The following HPRT1 variants were observed in gnomAD, a reference collection of about 807,000 sequenced individuals.
HPRT1 encodes the protein hypoxanthine phosphoribosyltransferase 1.
A neutral mutation model predicts 19.0 loss-of-function variants in HPRT1; 4 were observed. The observed-to-expected ratio is 0.21, with a 90% CI of 0.10 to 0.48. The LOEUF is 0.48. Ranked by LOEUF, HPRT1 falls within the 20% of genes least tolerant of loss-of-function variation. The pLI is 0.98. For synonymous variants in HPRT1, 53 were observed against 54.9 expected, an observed-to-expected ratio of 0.97 and a Z score of 0.15; for missense variants, 65 against 164.0, an observed-to-expected ratio of 0.40 and a Z score of 3.30.
chrX:134,495,428 G>A lies in HPRT1; in HGVS notation c.485+1838G>A, dbSNP rs17880246. On this transcript the variant is annotated intron_variant, in intron 6 of 8. Transcript: ENST00000298556. Reference sequence around the variant, plus strand: ...ATGATTATTAACATCTTTTTCTCAGGGAAACTATATGAGTCAAGGAGATAA... The same window carrying A: ...ATGATTATTAACATCTTTTTCTCAGAGAAACTATATGAGTCAAGGAGATAA... Among the ~76,000 whole-genome samples the A allele has an allele frequency of 1.2e-4, 13 of 111,160 alleles. No homozygotes were observed. The East Asian group carries it at 3.6e-3, about 31-fold the overall frequency.
chrX:134,480,807 G>T (rs1297339138), intron 3 of HPRT1, among the ~76,000 whole-genome samples: 3 of 91,947 alleles, frequency 3.3e-5, no homozygotes, highest in Admixed American at 1.2e-4. Flanking sequence ...ATGTGTATTT[G>T]TGTGTGTGTG....
At chrX:134,465,192 C>T (rs927453942) in intron 1 of HPRT1, among the ~76,000 whole-genome samples, 7 of 110,715 alleles carry the variant, frequency 6.3e-5, no homozygotes, top group Admixed American at 1.9e-4. Context: ...TGTGAGCCAC[C>T]GCATCTGGCC....
intron 3 of HPRT1, among the ~76,000 whole-genome samples, chrX:134,480,734 C>G (rs2077637016): frequency 1.0e-5 from 1 of 98,220 alleles, no homozygotes; most frequent in Non-Finnish European, 2.1e-5. Flanking sequence ...CAGGTGTCAG[C>G]CGTTGCACCT....
At chrX:134,488,190 G>A (rs936330257) in intron 4 of HPRT1, among the ~76,000 whole-genome samples, 2 of 110,814 alleles carry the variant, frequency 1.8e-5, no homozygotes, top group Non-Finnish European at 3.8e-5. Context: ...CCAGGCTGGA[G>A]TGCAGTAGTA....
At chrX:134,480,829 G>C (rs1468813215) in intron 3 of HPRT1, among the ~76,000 whole-genome samples, 3 of 100,574 alleles carry the variant, frequency 3.0e-5, no homozygotes, top group African/African-American at 1.1e-4. Flanking sequence ...GTGTGTGTGT[G>C]TCTCAAAAGG....
At chrX:134,467,598 A>G (rs753307953) in intron 1 of HPRT1, among the ~76,000 whole-genome samples, 2 of 111,614 alleles carry the variant, frequency 1.8e-5, no homozygotes, top group Non-Finnish European at 3.8e-5. Context: ...GCCACCAAGT[A>G]GATTTCTGTC....
chrX:134,479,534 T>G (rs1663664850), intron 3 of HPRT1, among the ~76,000 whole-genome samples: 1 of 112,228 alleles, frequency 8.9e-6, no homozygotes, highest in Non-Finnish European at 1.9e-5. Flanking sequence ...ACTCCCAAAA[T>G]GCTGGGATTA....
intron 3 of HPRT1, among the ~76,000 whole-genome samples, chrX:134,484,107 A>G (rs1319359017): frequency 4.5e-5 from 5 of 111,812 alleles, no homozygotes; most frequent in South Asian, 7.5e-4. Flanking sequence ...TTGTCCTATC[A>G]CCGTAGCCTT....
chrX:134,476,335 C>G (rs911804829), intron 3 of HPRT1, among the ~76,000 whole-genome samples: 1 of 112,250 alleles, frequency 8.9e-6, no homozygotes, highest in Non-Finnish European at 1.9e-5. Flanking sequence ...TTCACTATCC[C>G]ATTAAAACCC....
chrX:134,487,882 A>G lies in HPRT1; in HGVS notation c.384+1352A>G, dbSNP rs190220363. 3.6e-5 allele frequency among the ~76,000 whole-genome samples: 4 copies of G among 111,507 alleles called. No individual in the cohort carries two copies. The East Asian group carries it at 1.1e-3, about 32-fold the overall frequency. ...TGTTGAAGCCATTACTTGTCTGGTC[A>G]GTTTTTAGTGCTGGAATGGACCTAG... On this transcript the variant is annotated intron_variant, in intron 4 of 8. Transcript: ENST00000298556.
chrX:134,480,543 C>T (rs1196445134), intron 3 of HPRT1, among the ~76,000 whole-genome samples: 27 of 105,091 alleles, frequency 2.6e-4, no homozygotes, highest in African/African-American at 8.4e-4. Flanking sequence ...CTCCTGGGCT[C>T]AAGGGATCCT....
intron 1 of HPRT1, among the ~76,000 whole-genome samples, chrX:134,469,122 T>C (rs2077604639): frequency 9.0e-6 from 1 of 110,856 alleles, no homozygotes; most frequent in African/African-American, 3.3e-5. Context: ...CACGTACCCA[T>C]TGCCAAGTTC....
intron 3 of HPRT1, among the ~76,000 whole-genome samples, chrX:134,485,994 T>C (rs1216046127): frequency 8.9e-6 from 1 of 111,837 alleles, no homozygotes; most frequent in African/African-American, 3.3e-5. Context: ...GGCTAGACTT[T>C]TGAGGGACAT....
intron 1 of HPRT1, 120 bp from the exon 2 acceptor site, chrX:134,473,239 C>T (rs1258410491): frequency 3.9e-6 from 2 of 510,715 alleles, no homozygotes; most frequent in African/African-American, 4.6e-5. Flanking sequence ...TTAACAGTTA[C>T]TAATATCATC....
intron 1 of HPRT1, among the ~76,000 whole-genome samples, chrX:134,466,236 A>G (rs2077596537): frequency 9.1e-6 from 1 of 109,581 alleles, no homozygotes; most frequent in African/African-American, 3.3e-5. Flanking sequence ...TGGCCAATGT[A>G]GTGAAACACC....
chrX:134,480,457 T>G (rs2077636337), intron 3 of HPRT1, among the ~76,000 whole-genome samples: 1 of 108,179 alleles, frequency 9.2e-6, no homozygotes, highest in South Asian at 4.1e-4. Context: ...TAGAAATGTT[T>G]TTTTTTTTGA....
chrX:134,461,767 G>C (rs2077584795), intron 1 of HPRT1, among the ~76,000 whole-genome samples: 1 of 111,780 alleles, frequency 8.9e-6, no homozygotes, highest in Admixed American at 9.5e-5. Context: ...AAGCCTCAGA[G>C]AGGCTAACAG....
At chrX:134,481,497 C>CTA (rs1354927269) in intron 3 of HPRT1, among the ~76,000 whole-genome samples, 3 of 96,397 alleles carry the variant, frequency 3.1e-5, no homozygotes, top group Non-Finnish European at 4.2e-5. Context: ...CTATCTCTAT[C>CTA]TGTCTATCTC....
intron 2 of HPRT1, 103 bp from the exon 3 acceptor site, chrX:134,475,078 C>T: frequency 1.6e-6 from 1 of 624,562 alleles, no homozygotes; most frequent in Non-Finnish European, 2.6e-6. Flanking sequence ...TGGGGTCTCA[C>T]TATATTGCCC....
Sources: gnomAD v4.1 joint callset for allele counts (sites outside exome capture counted in the v4.1 genomes callset) on GRCh38, gnomAD v4.1.1 for gene constraint, MANE v1.5 for transcripts, NCBI Gene and HGNC (gene_info 2026-07-23, HGNC 2026-07-21) for gene names.